CDK15: variants seen among roughly 807,000 people sequenced by gnomAD.
CDK15 encodes the protein cyclin dependent kinase 15.
In CDK15, 62 loss-of-function variants were observed where a neutral mutation model predicts 60.3. That is an observed-to-expected ratio of 1.03 (90% confidence interval 0.84 to 1.27). The LOEUF is 1.27. Ranked by LOEUF, CDK15 falls within the 50% of genes most tolerant of loss-of-function variation. The pLI is 0.00. For synonymous variants in CDK15, 194 were observed against 195.7 expected (o/e 0.99, Z 0.07); for missense variants, 541 against 527.8 (o/e 1.03, Z -0.25).
chr2:201,820,757 A>T (rs1696186951), intron 4 of CDK15, among the ~76,000 whole-genome samples: 1 of 152,242 alleles, frequency 6.6e-6, no homozygotes, highest in Admixed American at 6.5e-5. Context: ...TGTGGCCTTC[A>T]GTCTGAGACT....
chr2:201,839,891 A>G (rs1697293752), intron 8 of CDK15, among the ~76,000 whole-genome samples: 1 of 152,098 alleles, frequency 6.6e-6, no homozygotes, highest in South Asian at 2.1e-4. Context: ...CTAATATGTG[A>G]TCAGTGTTTG....
chr2:201,890,737 G>T lies in CDK15; in HGVS notation c.1199-48G>T, dbSNP rs1419515457. On this transcript the variant is annotated intron_variant, in intron 12 of 13. Coordinates refer to ENST00000652192, the MANE Select transcript of CDK15 (RefSeq NM_001366386.2). ...CAACAGACAAAAATATACCACAGAA[G>T]ATCCCAGGAAATAACATATTGGTGC... The T allele has an allele frequency of 2.1e-6, 3 of 1,429,418 alleles. No individual in the cohort carries two copies. In the East Asian group the frequency reaches 7.0e-5, roughly 33 times the overall value. 88.5% of individuals were successfully genotyped at this position (1,429,418 alleles called of 1,614,324 possible). A position where few individuals can be genotyped will look rare whatever the true frequency, so the allele number is the denominator to read the frequency against.
At chr2:201,881,374 C>T (rs1376803561) in intron 12 of CDK15, among the ~76,000 whole-genome samples, 1 of 152,054 alleles carries the variant, frequency 6.6e-6, no homozygotes, top group Non-Finnish European at 1.5e-5. Flanking sequence ...TATTAAATTG[C>T]CATTAAGTGT....
intron 10 of CDK15, among the ~76,000 whole-genome samples, chr2:201,870,811 A>G (rs1698826476): frequency 6.6e-6 from 1 of 152,158 alleles, no homozygotes; most frequent in Non-Finnish European, 1.5e-5. Flanking sequence ...TTGAAATATT[A>G]TTTTCTCAAT....
Position 201,855,003 on chromosome 2 carries a change from T to G in CDK15, c.1009+66T>G. The G allele has an allele frequency of 2.8e-6, 4 of 1,437,834 alleles. No individual in the cohort carries two copies. In the South Asian group the frequency reaches 4.6e-5, roughly 16 times the overall value. The allele number at this position is 1,437,834 out of a possible 1,614,324, so 89.1% of individuals were successfully genotyped here. ...AATGTAAGGAGAGCATTGGCCACGC[T>G]AACAGGGCGTTCTTGTATTGTGAAC... On this transcript the variant is annotated intron_variant, in intron 10 of 13. Transcript: ENST00000652192.
chr2:201,881,903 A>G (rs975091758), intron 12 of CDK15, among the ~76,000 whole-genome samples: 6 of 151,786 alleles, frequency 4.0e-5, no homozygotes, highest in South Asian at 2.1e-4. Context: ...ATACACACGC[A>G]CACACACACA....
chr2:201,853,811 T>C (rs1311729290), intron 9 of CDK15, among the ~76,000 whole-genome samples: 1 of 152,068 alleles, frequency 6.6e-6, no homozygotes, highest in Non-Finnish European at 1.5e-5. Context: ...CTGTTTTGGC[T>C]TTATACTCCG....
chr2:201,836,463 T>C lies in CDK15; in HGVS notation c.851+700T>C, dbSNP rs553483633. Among the ~76,000 whole-genome samples the C allele has an allele frequency of 3.2e-4, 49 of 151,936 alleles. 1 individual carries two copies. Among genetic ancestry groups the C allele is most frequent in the African/African-American group, 1.1e-3 (47 of 41,448 alleles). ...TGAATCTGACACTCTTTTTATGTTA[T>C]TTTATTTTTTGAGATTGGGGTCTTG... On this transcript the variant is annotated intron_variant, in intron 8 of 13. Transcript: ENST00000652192.
intron 6 of CDK15, among the ~76,000 whole-genome samples, chr2:201,824,201 A>G (rs1696359942): frequency 1.3e-5 from 2 of 152,192 alleles, no homozygotes; most frequent in South Asian, 2.1e-4. Flanking sequence ...TAAACTCTTA[A>G]TTAGCTATAA....
At chr2:201,822,662 T>G (rs2105710841) in intron 4 of CDK15, 147 bp from the exon 5 acceptor site, 1 of 536,736 alleles carries the variant, frequency 1.9e-6, no homozygotes, top group East Asian at 3.0e-5. Flanking sequence ...ATTTTAAATA[T>G]TCTTTTGCCA....
At position 201,874,258 on chromosome 2, in the gene CDK15, T is replaced by G. The variant is rs1427915422; in HGVS notation, c.1058+1932T>G. Among the ~76,000 whole-genome samples, 5 of 152,276 alleles carry G rather than the reference T, an allele frequency of 3.3e-5. No individual in the cohort carries two copies. The East Asian group carries it at 7.7e-4, about 23-fold the overall frequency. ...CCACATTGGAGTAGTGACTATGATA[T>G]TGGACAGAGCAAAAATAGAATATCT... On this transcript the variant is annotated intron_variant, in intron 11 of 13. Transcript: ENST00000652192.
intron 8 of CDK15, among the ~76,000 whole-genome samples, chr2:201,839,047 T>C (rs1697259373): frequency 6.6e-6 from 1 of 151,944 alleles, no homozygotes; most frequent in Admixed American, 6.6e-5. Context: ...TTCACGCCAT[T>C]CTCCTGCCTC....
chr2:201,833,720 T>TCTTC, intron 6 of CDK15, 128 bp from the exon 7 acceptor site: 110 of 605,288 alleles, frequency 1.8e-4, no homozygotes, highest in East Asian at 8.6e-4. Context: ...CTTCTTCTTT[T>TCTTC]TTTTTTTTTT....
chr2:201,819,104 G>A, intron 4 of CDK15, among the ~76,000 whole-genome samples: 1 of 152,102 alleles, frequency 6.6e-6, no homozygotes, highest in East Asian at 1.9e-4. Context: ...ATAAAGCAGG[G>A]CCCAGAGAGA....
At chr2:201,891,055 A>G (rs370170737) in intron 13 of CDK15, 128 bp downstream of exon 13, 20 of 523,688 alleles carry the variant, frequency 3.8e-5, no homozygotes, top group African/African-American at 1.9e-4. Context: ...CGCCAGCTCT[A>G]GGACAGGTGG....
intron 10 of CDK15, among the ~76,000 whole-genome samples, chr2:201,869,370 G>A (rs1323538378): frequency 1.3e-5 from 2 of 151,188 alleles, no homozygotes; most frequent in Non-Finnish European, 2.9e-5. Context: ...CACACACCGG[G>A]GCCTGTCATG....
At chr2:201,813,721 T>C (rs901472220) in intron 4 of CDK15, among the ~76,000 whole-genome samples, 8 of 152,332 alleles carry the variant, frequency 5.3e-5, no homozygotes, top group Non-Finnish European at 8.8e-5. Context: ...GGATAGGTTA[T>C]GCAAACAAGC....
intron 10 of CDK15, among the ~76,000 whole-genome samples, chr2:201,869,027 G>A (rs1698748489): frequency 6.6e-6 from 1 of 152,108 alleles, no homozygotes; most frequent in Non-Finnish European, 1.5e-5. Flanking sequence ...TCCCATTACT[G>A]GGCATATACC....
At chr2:201,885,562 A>C (rs1261121100) in intron 12 of CDK15, among the ~76,000 whole-genome samples, 3 of 152,150 alleles carry the variant, frequency 2.0e-5, no homozygotes, top group African/African-American at 7.2e-5. Flanking sequence ...AATATGTTAG[A>C]GGAGATACTG....
Sources: gnomAD v4.1 joint callset for allele counts (sites outside exome capture counted in the v4.1 genomes callset) on GRCh38, gnomAD v4.1.1 for gene constraint, MANE v1.5 for transcripts, NCBI Gene and HGNC (gene_info 2026-07-23, HGNC 2026-07-21) for gene names.